Variants in MAST4 observed in about 807,000 individuals in gnomAD.
The protein encoded by MAST4 is microtubule associated serine/threonine kinase family member 4.
Under a neutral mutation model 162.7 loss-of-function variants are expected in MAST4, and 89 were observed. The ratio of observed to expected loss-of-function variants is 0.55; its 90% confidence interval spans 0.46 to 0.65. The LOEUF is 0.65. MAST4 is among the 30% of genes least tolerant of loss of function. The pLI, the probability that MAST4 is intolerant of heterozygous loss-of-function variation, is 0.00. For missense variants in MAST4, 3,153 were observed against 3,374.0 expected (o/e 0.93, Z 1.62); for synonymous variants, 1,479 against 1,361.1 (o/e 1.09, Z -1.91).
chr5:66,741,264 C>G (rs1329493049), intron 1 of MAST4, among the ~76,000 whole-genome samples: 1 of 152,172 alleles, frequency 6.6e-6, no homozygotes, highest in African/African-American at 2.4e-5. Context: ...TTTGTCGCAT[C>G]TCCTGCTTTC....
chr5:66,912,965 C>A (rs1405130316), intron 4 of MAST4, among the ~76,000 whole-genome samples: 1 of 152,080 alleles, frequency 6.6e-6, no homozygotes, highest in East Asian at 1.9e-4. Flanking sequence ...TTGTGTTAAC[C>A]CACAGAGGAA....
intron 3 of MAST4, among the ~76,000 whole-genome samples, chr5:66,861,252 G>A (rs1436566269): frequency 6.6e-6 from 1 of 152,108 alleles, no homozygotes; most frequent in Admixed American, 6.5e-5. Flanking sequence ...TAAAATCCCT[G>A]TGAAATCAAT....
intron 4 of MAST4, among the ~76,000 whole-genome samples, chr5:66,958,303 G>A (rs1745573590): frequency 6.6e-6 from 1 of 152,092 alleles, no homozygotes. Flanking sequence ...ATGCATTAGA[G>A]GAAGTGAGTC....
Position 66,925,042 on chromosome 5 carries a change from A to G in MAST4, c.674+25060A>G, listed in dbSNP as rs192081351. 1.6e-3 allele frequency among the ~76,000 whole-genome samples: 241 copies of G among 152,342 alleles called. 1 individual carries two copies. Among genetic ancestry groups the G allele is most frequent in the African/African-American group, 5.6e-3 (232 of 41,584 alleles). On this transcript the variant is annotated intron_variant, in intron 4 of 28. Transcript: ENST00000403625. ...AAGAATAAGATAGTTTTTACCCATA[A>G]TCTAACCATGTAGGATAGTTGGCAC...
At chr5:67,019,931 A>G (rs1055756103) in intron 4 of MAST4, among the ~76,000 whole-genome samples, 2 of 152,226 alleles carry the variant, frequency 1.3e-5, no homozygotes, top group African/African-American at 4.8e-5. Flanking sequence ...CAAAATTTCA[A>G]GCTGGTAAAC....
At chr5:66,927,746 G>C (rs115018719) in intron 4 of MAST4, among the ~76,000 whole-genome samples, 3,124 of 152,244 alleles carry the variant, frequency 0.021, 53 homozygotes, top group Non-Finnish European at 0.033. Flanking sequence ...AGTTTCCTAG[G>C]GTTGCCATGA....
chr5:66,668,685 C>G (rs940754674), intron 1 of MAST4, among the ~76,000 whole-genome samples: 1 of 152,338 alleles, frequency 6.6e-6, no homozygotes, highest in East Asian at 1.9e-4. Context: ...TGGTACATAG[C>G]AAGTGCTGGA....
At chr5:66,721,088 C>G (rs1263114269) in intron 1 of MAST4, among the ~76,000 whole-genome samples, 1 of 152,198 alleles carries the variant, frequency 6.6e-6, no homozygotes, top group Non-Finnish European at 1.5e-5. Context: ...TTTCTCCCCA[C>G]CTCTTACACC....
At chr5:67,077,096 A>G (rs890669776) in intron 5 of MAST4, among the ~76,000 whole-genome samples, 4 of 152,242 alleles carry the variant, frequency 2.6e-5, no homozygotes, top group African/African-American at 9.6e-5. Flanking sequence ...CAGAAACTTA[A>G]GGTGTCTGGC....
chr5:67,002,461 G>A lies in MAST4; in HGVS notation c.675-51943G>A, dbSNP rs116464984. On this transcript the variant is annotated intron_variant, in intron 4 of 28. Transcript: ENST00000403625. ...CAGTAAAATGTGACTTTAGCCTTGA[G>A]GAACTCAGACTAATTGGAAAGACAG... 4.0e-3 allele frequency among the ~76,000 whole-genome samples: 614 copies of A among 152,282 alleles called. 2 individuals carry two copies. The highest frequency in any genetic ancestry group is 0.014 in the African/African-American group (577 of 41,544).
chr5:66,607,125 C>T (rs982397101), intron 1 of MAST4, among the ~76,000 whole-genome samples: 1 of 152,076 alleles, frequency 6.6e-6, no homozygotes, highest in African/African-American at 2.4e-5. Context: ...GGGACAAGGG[C>T]AGGTTTGAGG....
chr5:66,824,250 T>C lies in MAST4; in HGVS notation c.642+35456T>C, dbSNP rs557784652. Among the ~76,000 whole-genome samples, 4 of 152,328 alleles carry C rather than the reference T, an allele frequency of 2.6e-5. No homozygotes were observed. The South Asian group carries it at 8.3e-4, about 32-fold the overall frequency. ...GGAGAGATCCCACCCCAGATTGTAC[T>C]GATGGTATTGGAAATCACATTCCTA... On this transcript the variant is annotated intron_variant, in intron 3 of 28. Transcript: ENST00000403625.
intron 1 of MAST4, among the ~76,000 whole-genome samples, chr5:66,619,523 T>C (rs1012613144): frequency 6.6e-6 from 1 of 152,214 alleles, no homozygotes; most frequent in African/African-American, 2.4e-5. Flanking sequence ...CGGGTACAGA[T>C]GTGTGCTTGT....
chr5:67,144,844 G>A (rs1217209918), intron 22 of MAST4, 48 bp downstream of exon 22: 1 of 1,548,914 alleles, frequency 6.5e-7, no homozygotes, highest in South Asian at 1.2e-5. Context: ...TACTAGAGCA[G>A]AGTTTCTTAA....
At chr5:67,074,826 CTCTGCCATGATCA>C (rs1228301420) in intron 5 of MAST4, among the ~76,000 whole-genome samples, 6 of 152,102 alleles carry the variant, frequency 3.9e-5, no homozygotes, top group Non-Finnish European at 8.8e-5. Flanking sequence ...TTTGCAGATC[CTCTGCCATGATCA>C]TCTGTTAGAG....
intron 4 of MAST4, among the ~76,000 whole-genome samples, chr5:66,969,048 G>A (rs1747104239): frequency 1.3e-5 from 2 of 152,156 alleles, no homozygotes; most frequent in African/African-American, 4.8e-5. Flanking sequence ...AAATAACTAG[G>A]TACTAAATAA....
chr5:66,700,264 ATTCTATTAT>A (rs1414528409), intron 1 of MAST4, among the ~76,000 whole-genome samples: 2 of 152,126 alleles, frequency 1.3e-5, no homozygotes, highest in African/African-American at 4.8e-5. Context: ...TATAGAAATG[ATTCTATTAT>A]TTCATGATGG....
At chr5:66,984,008 T>C (rs1332540555) in intron 4 of MAST4, among the ~76,000 whole-genome samples, 3 of 152,184 alleles carry the variant, frequency 2.0e-5, no homozygotes, top group Non-Finnish European at 4.4e-5. Flanking sequence ...TTTGAGAAGC[T>C]ACCACCAGCC....
intron 2 of MAST4, among the ~76,000 whole-genome samples, chr5:66,764,411 G>A (rs781080676): frequency 2.0e-5 from 3 of 152,176 alleles, no homozygotes; most frequent in Non-Finnish European, 2.9e-5. Context: ...CAGAGACAAG[G>A]GGTAGAAGCA....
Sources: gnomAD v4.1 joint callset for allele counts (sites outside exome capture counted in the v4.1 genomes callset) on GRCh38, gnomAD v4.1.1 for gene constraint, MANE v1.5 for transcripts, NCBI Gene and HGNC (gene_info 2026-07-23, HGNC 2026-07-21) for gene names.